Variants in ATXN1 observed in about 807,000 individuals in gnomAD.
The protein encoded by ATXN1 is ataxin 1, also known as ataxin-1.
Under a neutral mutation model 56.4 loss-of-function variants are expected in ATXN1, and 8 were observed. The observed-to-expected ratio is 0.14, with a 90% CI of 0.08 to 0.26. The LOEUF (loss-of-function observed/expected upper bound fraction) is 0.26. Among genes scored for constraint, ATXN1 ranks in the 10% least tolerant of loss-of-function variants. ATXN1 has a pLI of 1.00. For missense variants in ATXN1, 987 were observed against 1,106.5 expected (o/e 0.89, Z 1.53); for synonymous variants, 514 against 494.6 (o/e 1.04, Z -0.52).
intron 4 of ATXN1, among the ~76,000 whole-genome samples, chr6:16,570,921 T>C (rs1762321275): frequency 6.6e-6 from 1 of 152,040 alleles, no homozygotes; most frequent in African/African-American, 2.4e-5. Context: ...GATCCAGGGA[T>C]TAAATAATTA....
chr6:16,329,688 A>G (rs1760935730), intron 6 of ATXN1, among the ~76,000 whole-genome samples: 2 of 152,150 alleles, frequency 1.3e-5, no homozygotes, highest in Non-Finnish European at 2.9e-5. Context: ...TTCTCATTGG[A>G]AAGTAACAAC....
intron 3 of ATXN1, among the ~76,000 whole-genome samples, chr6:16,592,166 G>C (rs764949644): frequency 2.0e-5 from 3 of 152,110 alleles, no homozygotes; most frequent in Non-Finnish European, 2.9e-5. Context: ...ACTCCCGGGA[G>C]AGCTCTGCCC....
chr6:16,584,856 G>T (rs1483656819), intron 4 of ATXN1, among the ~76,000 whole-genome samples: 1 of 152,130 alleles, frequency 6.6e-6, no homozygotes, highest in Non-Finnish European at 1.5e-5. Context: ...ACATTTACCA[G>T]TATGCTGCTA....
Position 16,617,628 on chromosome 6 carries a change from G to A in ATXN1, c.-488-31721C>T, listed in dbSNP as rs138305602. Among the ~76,000 whole-genome samples the A allele has an allele frequency of 4.7e-3, 707 of 152,030 alleles. 8 individuals carry two copies. The highest frequency in any genetic ancestry group is 0.015 in the African/African-American group (630 of 41,486). On this transcript the variant is annotated intron_variant, in intron 3 of 7. Coordinates refer to ENST00000436367, the MANE Select transcript of ATXN1 (RefSeq NM_001128164.2). ...AAACACACACAAAAATTAGCCGGGC[G>A]TGGTGGCGGGCGCCTGCAGTCCCAG... is the stretch of plus-strand genomic sequence containing the variant.
At chr6:16,444,807 C>T (rs1759600092) in intron 6 of ATXN1, among the ~76,000 whole-genome samples, 1 of 152,138 alleles carries the variant, frequency 6.6e-6, no homozygotes, top group Non-Finnish European at 1.5e-5. Flanking sequence ...AAAAGAGATG[C>T]CACCAACCAT....
intron 2 of ATXN1, among the ~76,000 whole-genome samples, chr6:16,690,179 C>T (rs946440668): frequency 6.6e-6 from 1 of 152,086 alleles, no homozygotes; most frequent in Non-Finnish European, 1.5e-5. Flanking sequence ...TTGGCTGGGA[C>T]TGCATGAGCA....
chr6:16,386,356 TA>T (rs1049459435), intron 6 of ATXN1, among the ~76,000 whole-genome samples: 6 of 152,156 alleles, frequency 3.9e-5, no homozygotes, highest in Middle Eastern at 6.8e-3. Flanking sequence ...GCGTTAACCA[TA>T]AAAAAATGGG....
chr6:16,363,083 T>C (rs1298743977), intron 6 of ATXN1, among the ~76,000 whole-genome samples: 1 of 152,204 alleles, frequency 6.6e-6, no homozygotes, highest in East Asian at 1.9e-4. Context: ...TTTTCTCAGA[T>C]CCCTTATCAT....
intron 2 of ATXN1, among the ~76,000 whole-genome samples, chr6:16,708,054 G>T (rs930264937): frequency 2.6e-5 from 4 of 152,206 alleles, no homozygotes; most frequent in African/African-American, 9.6e-5. Flanking sequence ...TATGTGGTGG[G>T]GGGGAAGAAT....
At chr6:16,645,163 G>A (rs1481923371) in intron 3 of ATXN1, among the ~76,000 whole-genome samples, 2 of 152,186 alleles carry the variant, frequency 1.3e-5, no homozygotes, top group African/African-American at 4.8e-5. Flanking sequence ...TCCACCAGAT[G>A]GAAGAAGCAA....
At chr6:16,308,058 G>A (rs1350412737) in intron 7 of ATXN1, among the ~76,000 whole-genome samples, 1 of 152,088 alleles carries the variant, frequency 6.6e-6, no homozygotes, top group Non-Finnish European at 1.5e-5. Context: ...GGAGGCTGAG[G>A]CAGGAGAATC....
At position 16,410,138 on chromosome 6, in the gene ATXN1, G is replaced by C. The variant is rs1758768213; in HGVS notation, c.-161+75834C>G. On this transcript the variant is annotated intron_variant, in intron 6 of 7. Coordinates refer to ENST00000436367, the MANE Select transcript of ATXN1 (RefSeq NM_001128164.2). This position sits in a 1 kb window ranked among gnomAD's most constrained non-coding sequence, Gnocchi z 4.6. ...GCACCGGAGCCCTACCTGGGTGCTG[G>C]CACTGCCTCGGCCTCTTGCTTACTA... 6.6e-6 allele frequency among the ~76,000 whole-genome samples: 1 copy of C among 152,206 alleles called. No homozygotes were observed. The highest frequency in any genetic ancestry group is 2.4e-5 in the African/African-American group (1 of 41,450).
intron 4 of ATXN1, 110 bp from the exon 5 acceptor site, chr6:16,522,798 C>T (rs1761319359): frequency 6.6e-6 from 1 of 152,158 alleles, no homozygotes; most frequent in Non-Finnish European, 1.5e-5. Flanking sequence ...AGCACTTTGG[C>T]CTTTATTAGG....
At chr6:16,391,026 G>A (rs1758344324) in intron 6 of ATXN1, among the ~76,000 whole-genome samples, 1 of 151,964 alleles carries the variant, frequency 6.6e-6, no homozygotes, top group Admixed American at 6.6e-5. Flanking sequence ...GCTGGGCGTA[G>A]GAGCACACGT....
In ATXN1 at chr6:16,410,204, C is replaced by T. The variant is rs544897041; in HGVS notation, c.-161+75768G>A. Among the ~76,000 whole-genome samples, 1 of 152,306 alleles carries T rather than the reference C, an allele frequency of 6.6e-6. No homozygotes were observed. Among genetic ancestry groups the T allele is most frequent in the Admixed American group, 6.5e-5 (1 of 15,302 alleles). The stretch of plus-strand genomic sequence containing the variant: ...CACAGCATCTAGCGGCCCTCCTTCC[C>T]CCTTACTATGACTTCCAATTTTGAA... On this transcript the variant is annotated intron_variant, in intron 6 of 7. Transcript: ENST00000436367. The surrounding 1 kb of genome is among the most constrained non-coding windows in gnomAD (Gnocchi z 4.6).
chr6:16,655,919 A>G (rs1042078727), intron 3 of ATXN1, among the ~76,000 whole-genome samples: 6 of 151,600 alleles, frequency 4.0e-5, no homozygotes, highest in Non-Finnish European at 1.5e-5. Flanking sequence ...GTGAAACCCC[A>G]GCTCTACTAA....
chr6:16,441,443 A>G (rs3806128), intron 6 of ATXN1, among the ~76,000 whole-genome samples: 4,121 of 152,294 alleles, frequency 0.027, 150 homozygotes, highest in East Asian at 0.15. Context: ...CCACTTAAAA[A>G]TGAGTAACAA....
intron 6 of ATXN1, among the ~76,000 whole-genome samples, chr6:16,415,955 T>C (rs1325569968): frequency 6.6e-6 from 1 of 152,142 alleles, no homozygotes; most frequent in Non-Finnish European, 1.5e-5. Context: ...TTAATCGTTT[T>C]TTTCCCTCCC....
intron 6 of ATXN1, among the ~76,000 whole-genome samples, chr6:16,470,186 C>T (rs13204889): frequency 1.3e-5 from 2 of 152,142 alleles, no homozygotes; most frequent in African/African-American, 4.8e-5. Context: ...ATAGCACAGA[C>T]AGACCTGAAG....
Sources: gnomAD v4.1 joint callset for allele counts (sites outside exome capture counted in the v4.1 genomes callset) on GRCh38, gnomAD v4.1.1 for gene constraint, Gnocchi (gnomAD v3.1) non-coding constraint, MANE v1.5 for transcripts, NCBI Gene and HGNC (gene_info 2026-07-23, HGNC 2026-07-21) for gene names.